LAIR2: variants seen among roughly 807,000 people sequenced by gnomAD.
LAIR2 encodes the protein leukocyte associated immunoglobulin like receptor 2.
Under a neutral mutation model 14.8 loss-of-function variants are expected in LAIR2, and 14 were observed. The observed-to-expected ratio is 0.95, with a 90% CI of 0.62 to 1.48. The LOEUF (loss-of-function observed/expected upper bound fraction) is 1.48. LAIR2 is among the 40% of genes most tolerant of loss of function. The pLI, the probability that LAIR2 is intolerant of heterozygous loss-of-function variation, is 0.00. For missense variants in LAIR2, 172 were observed against 180.9 expected (o/e 0.95, Z 0.28); for synonymous variants, 75 against 74.5 (o/e 1.01, Z -0.03).
intron 3 of LAIR2, 135 bp downstream of exon 3, chr19:54,508,319 C>T (rs1176153892): frequency 2.0e-5 from 16 of 819,236 alleles, no homozygotes; most frequent in Non-Finnish European, 3.1e-5. Context: ...AAGCCCTCCC[C>T]TCCCCTTCTT....
intron 3 of LAIR2, among the ~76,000 whole-genome samples, chr19:54,508,760 A>G (rs2085414047): frequency 6.6e-6 from 1 of 152,198 alleles, no homozygotes; most frequent in East Asian, 1.9e-4. Flanking sequence ...GAGAGGATCC[A>G]ACCCATCTTC....
At chr19:54,505,441 C>T (rs1482946575) in intron 2 of LAIR2, among the ~76,000 whole-genome samples, 1 of 152,056 alleles carries the variant, frequency 6.6e-6, no homozygotes, top group African/African-American at 2.4e-5. Flanking sequence ...AGGTGACAGC[C>T]CTTCTCCCCT....
intron 2 of LAIR2, among the ~76,000 whole-genome samples, chr19:54,507,441 C>G (rs923714823): frequency 1.6e-4 from 25 of 152,148 alleles, no homozygotes; most frequent in Admixed American, 1.6e-3. Context: ...CAGTCCCACC[C>G]GGGGACCGGC....
Position 54,508,305 on chromosome 19 carries a change from C to T in LAIR2, c.364+121C>T. ...GTGGCCACCGTTGCCCTCTTCCTGA[C>T]CCCAAGCCCTCCCCTCCCCTTCTTC... On this transcript the variant is annotated intron_variant, in intron 3 of 4. Coordinates refer to ENST00000301202, the MANE Select transcript of LAIR2 (RefSeq NM_002288.6). 1.9e-5 allele frequency: 18 copies of T among 955,852 alleles called. No individual in the cohort carries two copies. In the South Asian group the frequency reaches 2.5e-4, roughly 13 times the overall value. The allele number at this position is 955,852 out of a possible 1,614,324, so 59.2% of individuals were successfully genotyped here. A position where few individuals can be genotyped will look rare whatever the true frequency, so the allele number is the denominator to read the frequency against.
In LAIR2 at chr19:54,508,012, T is replaced by C. The variant is rs1403336328; in HGVS notation, c.192T>C (p.Asp64=). ...GVQTFRLERE[D]RAKYKDSYNV... ...AAACATTCCGCCTGGAGAGGGAGGA[T>C]AGAGCCAAGTACAAAGATAGTTATA... Residue 64 remains aspartate (D), a synonymous_variant, in exon 3 of 5, where the codon GAT becomes GAC. Coordinates refer to ENST00000301202, the MANE Select transcript of LAIR2 (RefSeq NM_002288.6). The C allele has an allele frequency of 5.0e-6, 8 of 1,614,028 alleles. No individual in the cohort carries two copies. Among genetic ancestry groups the C allele is most frequent in the Non-Finnish European group, 6.8e-6 (8 of 1,180,038 alleles).
Position 54,510,678 on chromosome 19 carries a change from C to T in LAIR2, c.*109C>T, listed in dbSNP as rs80146754. On this transcript the variant is annotated 3_prime_UTR_variant, in exon 5 of 5. Transcript: ENST00000301202. ...ACATACATATACAAATAAAAAGATACGATTCGCAATGGAGAATTTCAGACC... is the reference window on the plus strand; with the variant it reads ...ACATACATATACAAATAAAAAGATATGATTCGCAATGGAGAATTTCAGACC... 103 of 1,301,732 alleles carry T rather than the reference C, an allele frequency of 7.9e-5. No individual in the cohort carries two copies. The highest frequency in any genetic ancestry group is 1.0e-4 in the Non-Finnish European group (95 of 904,836). 80.6% of individuals were successfully genotyped at this position (1,301,732 alleles called of 1,614,324 possible). A position where few individuals can be genotyped will look rare whatever the true frequency, so the allele number is the denominator to read the frequency against.
chr19:54,505,884 C>T (rs1175061535), intron 2 of LAIR2, among the ~76,000 whole-genome samples: 2 of 149,806 alleles, frequency 1.3e-5, no homozygotes, highest in Non-Finnish European at 1.5e-5. Flanking sequence ...TGCAATGGCT[C>T]GGTCTTGGCT....
intron 2 of LAIR2, among the ~76,000 whole-genome samples, chr19:54,505,027 T>C: frequency 6.6e-6 from 1 of 152,216 alleles, no homozygotes; most frequent in East Asian, 1.9e-4. Context: ...ATGTCCTTCC[T>C]TTTTTAGGGC....
rs1382840050 is a variant in LAIR2, at chr19:54,510,191, CT to C, written c.416-334del. On this transcript the variant is annotated intron_variant, in intron 4 of 4. Coordinates refer to ENST00000301202, the MANE Select transcript of LAIR2 (RefSeq NM_002288.6). The stretch of plus-strand genomic sequence containing the variant: ...GAATATCTTGCCTCTGTTTCTCTCC[CT>C]CTCTTCTTCTCCTTCCTTCTCTCTT... Among the ~76,000 whole-genome samples, 3 of 143,992 alleles carry C rather than the reference CT, an allele frequency of 2.1e-5. 1 individual carries two copies. Among genetic ancestry groups the C allele is most frequent in the Non-Finnish European group, 4.5e-5 (3 of 66,522 alleles). The allele number at this position is 143,992 out of a possible 152,430, so 94.5% of individuals were successfully genotyped here.
Position 54,510,640 on chromosome 19 carries a change from C to T in LAIR2, c.*71C>T. 1 of 1,542,344 alleles carries T rather than the reference C, an allele frequency of 6.5e-7. No homozygotes were observed. The highest frequency in any genetic ancestry group is 9.0e-7 in the Non-Finnish European group (1 of 1,114,660). The stretch of plus-strand genomic sequence containing the variant: ...ATAATTAGAATGAGCAATAGAAATG[C>T]ACAGATGCCTATACATACATATACA... On this transcript the variant is annotated 3_prime_UTR_variant, in exon 5 of 5. Coordinates refer to ENST00000301202, the MANE Select transcript of LAIR2 (RefSeq NM_002288.6).
Position 54,503,187 on chromosome 19 carries a change from C to T in LAIR2, c.34+235C>T, listed in dbSNP as rs528979933. On this transcript the variant is annotated intron_variant, in intron 1 of 4. Coordinates refer to ENST00000301202, the MANE Select transcript of LAIR2 (RefSeq NM_002288.6). The stretch of plus-strand genomic sequence containing the variant: ...CTTTAAGAAGGGCTGGGGGGCCAGG[C>T]GCGGTGCTCACACCTGTAATCCTAG... Among the ~76,000 whole-genome samples, 20 of 151,716 alleles carry T rather than the reference C, an allele frequency of 1.3e-4. No individual in the cohort carries two copies. The East Asian group carries it at 2.5e-3, about 19-fold the overall frequency.
intron 3 of LAIR2, among the ~76,000 whole-genome samples, chr19:54,508,746 A>C (rs911930523): frequency 6.6e-6 from 1 of 152,280 alleles, no homozygotes; most frequent in Non-Finnish European, 1.5e-5. Flanking sequence ...GTCAAAGTCC[A>C]CTGGAGAGGA....
chr19:54,505,443 T>G (rs36053696), intron 2 of LAIR2, among the ~76,000 whole-genome samples: 1 of 151,136 alleles, frequency 6.6e-6, no homozygotes, highest in African/African-American at 2.5e-5. Flanking sequence ...GTGACAGCCC[T>G]TCTCCCCTCC....
At chr19:54,506,996 G>T (rs927827789) in intron 2 of LAIR2, among the ~76,000 whole-genome samples, 19 of 151,774 alleles carry the variant, frequency 1.3e-4, no homozygotes, top group Admixed American at 1.2e-3. Context: ...CGATTCCACA[G>T]TGTATACCTG....
chr19:54,506,216 C>T (rs1435140619), intron 2 of LAIR2, among the ~76,000 whole-genome samples: 1 of 152,128 alleles, frequency 6.6e-6, no homozygotes, highest in Non-Finnish European at 1.5e-5. Context: ...GGACTCTGCA[C>T]ACAGCGAGGA....
chr19:54,507,154 G>A (rs1489675640), intron 2 of LAIR2, among the ~76,000 whole-genome samples: 1 of 151,048 alleles, frequency 6.6e-6, no homozygotes, highest in African/African-American at 2.4e-5. Context: ...CAACCTTCCT[G>A]TTTCAGGGCG....
intron 1 of LAIR2, 95 bp from the exon 2 acceptor site, chr19:54,503,605 T>C (rs2085313672): frequency 6.7e-7 from 1 of 1,502,052 alleles, no homozygotes; most frequent in Non-Finnish European, 9.3e-7. Flanking sequence ...TATGAAATGC[T>C]GAATGCCCCC....
chr19:54,504,342 G>A (rs539141112), intron 2 of LAIR2, among the ~76,000 whole-genome samples: 1 of 152,082 alleles, frequency 6.6e-6, no homozygotes, highest in Non-Finnish European at 1.5e-5. Context: ...TGTAAACATT[G>A]TGGAAAGATT....
At chr19:54,502,995 G>A in intron 1 of LAIR2, 43 bp downstream of exon 1, 2 of 1,587,054 alleles carry the variant, frequency 1.3e-6, no homozygotes, top group Non-Finnish European at 1.7e-6. Flanking sequence ...AGGGGGTCGG[G>A]AGGTCTGGAA....
Sources: gnomAD v4.1 joint callset for allele counts (sites outside exome capture counted in the v4.1 genomes callset) on GRCh38, gnomAD v4.1.1 for gene constraint, MANE v1.5 for transcripts, NCBI Gene and HGNC (gene_info 2026-07-23, HGNC 2026-07-21) for gene names.